ABTB1: variants seen among roughly 807,000 people sequenced by gnomAD.
The protein encoded by ABTB1 is ankyrin repeat and BTB/POZ domain-containing protein 1.
A neutral mutation model predicts 57.1 loss-of-function variants in ABTB1; 45 were observed. The ratio of observed to expected loss-of-function variants is 0.79; its 90% confidence interval spans 0.62 to 1.01. The LOEUF (loss-of-function observed/expected upper bound fraction) is 1.01, where lower values mean the gene tolerates loss of function less well. Among genes scored for constraint, ABTB1 ranks in the 50% least tolerant of loss-of-function variants. The probability of loss-of-function intolerance (pLI) is 0.00; values close to 1 mark genes in which losing one functional copy is unlikely to be tolerated. For synonymous variants in ABTB1, 302 were observed against 275.4 expected, an observed-to-expected ratio of 1.10 and a Z score of -0.95; for missense variants, 630 against 666.3, an observed-to-expected ratio of 0.95 and a Z score of 0.60.
intron 8 of ABTB1, 38 bp from the exon 9 acceptor site, chr3:127,677,427 A>C (rs772448230): frequency 1.2e-6 from 2 of 1,610,146 alleles, no homozygotes; most frequent in East Asian, 4.5e-5. Flanking sequence ...ACTTCTGTGA[A>C]CAACTGCTCT....
intron 10 of ABTB1, 179 bp from the exon 11 acceptor site, chr3:127,679,800 GATCCCT>G: frequency 1.7e-6 from 1 of 592,706 alleles, no homozygotes; most frequent in East Asian, 2.9e-5. Flanking sequence ...CGGTCCTGCA[GATCCCT>G]GTGGGAATCT....
rs558844047 is a variant in ABTB1 at position 127,677,774 on chromosome 3, C to A, written c.960C>A (p.Val320=). ...EPATSGGPPA[V]TLHGISPDVF... ...CGACCTCAGGGGGCCCCCCAGCCGT[C>A]ACCCTGCATGGCATCTCACCCGACG... Residue 320 remains valine, a synonymous_variant, in exon 10 of 12, where the codon GTC becomes GTA. Coordinates refer to ENST00000232744, the MANE Select transcript of ABTB1 (RefSeq NM_172027.3). 3 of 1,612,538 alleles carry A rather than the reference C, an allele frequency of 1.9e-6. No individual in the cohort carries two copies. Among genetic ancestry groups the A allele is most frequent in the Non-Finnish European group, 8.5e-7 (1 of 1,179,554 alleles).
chr3:127,679,669 G>A (rs1350961256), intron 10 of ABTB1: 1 of 537,664 alleles, frequency 1.9e-6, no homozygotes, highest in Non-Finnish European at 3.6e-6. Flanking sequence ...AGCTAGAAGT[G>A]TCAGACCCAG....
In ABTB1 at chr3:127,676,357, C is replaced by T. The variant is rs773839544; in HGVS notation, c.406C>T (p.Arg136Cys). The change falls in exon 5 of 12, where the codon CGT becomes TGT. Residue 136 changes from arginine (R) to cysteine (C), a missense_variant. Transcript: ENST00000232744. This position sits in a 1 kb window ranked among gnomAD's most constrained non-coding sequence, Gnocchi z 5.4. ...FRVHRCVLGA[R>C]SAYFANMLDT... The stretch of plus-strand genomic sequence containing the variant: ...GGTGCATCGCTGCGTCCTGGGTGCA[C>T]GTAGTGCCTACTTTGCCAACATGCT... 9 of 1,614,112 alleles carry T rather than the reference C, an allele frequency of 5.6e-6. No homozygotes were observed. The highest frequency in any genetic ancestry group is 1.1e-5 in the South Asian group (1 of 91,088).
In ABTB1 at chr3:127,677,563, G is replaced by A; in HGVS notation, c.861G>A (p.Lys287=). 1 of 1,613,886 alleles carries A rather than the reference G, an allele frequency of 6.2e-7. No individual in the cohort carries two copies. Among genetic ancestry groups the A allele is most frequent in the East Asian group, 2.2e-5 (1 of 44,886 alleles). The change falls in exon 9 of 12, where the codon AAG becomes AAA. Residue 287 remains lysine, a splice_region_variant and synonymous_variant. Coordinates refer to ENST00000232744, the MANE Select transcript of ABTB1 (RefSeq NM_172027.3). The stretch of plus-strand genomic sequence containing the variant: ...CTGGCTGCAGCTTCCTCTGCCACAA[G>A]GTGCCTGTGCCCTCCTGTTGCCCCT... ...RVAGCSFLCH[K]AFFCGRSDYF...
chr3:127,674,806 A>G (rs1378829282), intron 3 of ABTB1, among the ~76,000 whole-genome samples: 2 of 152,158 alleles, frequency 1.3e-5, no homozygotes, highest in Non-Finnish European at 2.9e-5. Flanking sequence ...CTCTACTTCT[A>G]CGACCTGGGC....
intron 10 of ABTB1, chr3:127,679,042 C>T (rs914397178): frequency 1.3e-5 from 2 of 159,640 alleles, no homozygotes; most frequent in African/African-American, 4.8e-5. Context: ...GCAGCTCAGC[C>T]CAGCTCTCTG....
chr3:127,677,248 G>C lies in ABTB1; in HGVS notation c.724G>C (p.Ala242Pro). 1 of 1,597,704 alleles carries C rather than the reference G, an allele frequency of 6.3e-7. No homozygotes were observed. Among genetic ancestry groups the C allele is most frequent in the Non-Finnish European group, 8.5e-7 (1 of 1,172,390 alleles). Residue 242 changes from alanine (A) to proline (P), a missense_variant, in exon 8 of 12, where the codon GCG (alanine) becomes CCG (proline). Coordinates refer to ENST00000232744, the MANE Select transcript of ABTB1 (RefSeq NM_172027.3). Reference protein sequence around the residue: ...PADPRLREDMALLADCALPPE... With the variant: ...PADPRLREDMPLLADCALPPE... Reference sequence around the variant, plus strand: ...AGACCCCCGCCTCCGGGAGGACATGGCGCTGCTGGCCGATTGTGCCCTGCC... The same window carrying C: ...AGACCCCCGCCTCCGGGAGGACATGCCGCTGCTGGCCGATTGTGCCCTGCC...
At chr3:127,675,839 C>A (rs1363019976) in intron 3 of ABTB1, 131 bp from the exon 4 acceptor site, 7 of 1,283,826 alleles carry the variant, frequency 5.5e-6, no homozygotes, top group Non-Finnish European at 6.4e-6. Flanking sequence ...CAGAGTGGGC[C>A]CAGGGTAATT....
intron 1 of ABTB1, 113 bp from the exon 2 acceptor site, chr3:127,674,278 G>C: frequency 7.1e-7 from 1 of 1,404,368 alleles, no homozygotes; most frequent in Non-Finnish European, 9.8e-7. Flanking sequence ...CCCTCACCTG[G>C]GGGAGGCTTC....
rs910949236 is a variant in ABTB1, at chr3:127,674,222, C to T, written c.57-169C>T. 18 of 757,952 alleles carry T rather than the reference C, an allele frequency of 2.4e-5. No individual in the cohort carries two copies. In the Middle Eastern group the frequency reaches 2.7e-3, roughly 112 times the overall value. 47.0% of individuals were successfully genotyped at this position (757,952 alleles called of 1,614,324 possible). The stretch of plus-strand genomic sequence containing the variant: ...GACCCCACCTCCACATCCTTGCCTG[C>T]ACTTTGCCTTGAGTGCCTCTCCTGC... On this transcript the variant is annotated intron_variant, in intron 1 of 11. Coordinates refer to ENST00000232744, the MANE Select transcript of ABTB1 (RefSeq NM_172027.3).
intron 3 of ABTB1, among the ~76,000 whole-genome samples, chr3:127,675,137 C>T (rs894024051): frequency 2.6e-5 from 4 of 152,138 alleles, no homozygotes; most frequent in African/African-American, 7.2e-5. Flanking sequence ...CATGGACTGC[C>T]GTTCTGCAAA....
At chr3:127,678,030 T>C in intron 10 of ABTB1, 187 bp downstream of exon 10, 1 of 654,990 alleles carries the variant, frequency 1.5e-6, no homozygotes, top group South Asian at 1.9e-5. Flanking sequence ...CTTGTTGGGC[T>C]CCAGAGAGAG....
chr3:127,679,841 C>A, intron 10 of ABTB1, 144 bp from the exon 11 acceptor site: 2 of 733,862 alleles, frequency 2.7e-6, no homozygotes, highest in African/African-American at 1.7e-5. Flanking sequence ...ACCCCCAACC[C>A]CATACATGCG....
chr3:127,679,851 G>A (rs1416717228), intron 10 of ABTB1, 134 bp from the exon 11 acceptor site: 35 of 646,198 alleles, frequency 5.4e-5, no homozygotes, highest in South Asian at 2.3e-4. Flanking sequence ...CCATACATGC[G>A]CAGGGAGCTC....
chr3:127,680,111 C>T lies in ABTB1; in HGVS notation c.1156C>T (p.Arg386Cys), dbSNP rs747623724. ...LDEDTVVGVW[R>C]VAKLFRLARL... ...CGAGGACACTGTGGTGGGTGTGTGGCGCGTGGCCAAGCTCTTCCGCCTGGC... is the reference window on the plus strand; with the variant it reads ...CGAGGACACTGTGGTGGGTGTGTGGTGCGTGGCCAAGCTCTTCCGCCTGGC... Residue 386 changes from arginine (R) to cysteine (C), a missense_variant, in exon 11 of 12, where the codon CGC becomes TGC. Around this residue, in one of 3 missense-constraint regions of ABTB1, gnomAD observed 579 missense variants for 585.9 expected, o/e 0.99. Transcript: ENST00000232744. The T allele has an allele frequency of 2.1e-5, 34 of 1,613,798 alleles. No homozygotes were observed. The highest frequency in any genetic ancestry group is 6.7e-5 in the East Asian group (3 of 44,900).
In ABTB1 at chr3:127,680,114, G is replaced by A. The variant is rs373702607; in HGVS notation, c.1159G>A (p.Val387Met). The A allele has an allele frequency of 5.7e-5, 92 of 1,613,836 alleles. No homozygotes were observed. The highest frequency in any genetic ancestry group is 5.0e-4 in the Admixed American group (30 of 60,008). The change falls in exon 11 of 12, where the codon GTG (valine) becomes ATG (methionine). Residue 387 changes from valine (V) to methionine (M), a missense_variant. Val to Met is a conservative substitution (Grantham distance 21, BLOSUM62 1). This residue lies in a region of ABTB1 where 579 missense variants were observed against 585.9 expected (regional missense o/e 0.99). Transcript: ENST00000232744. ...GGACACTGTGGTGGGTGTGTGGCGC[G>A]TGGCCAAGCTCTTCCGCCTGGCGCG... ...DEDTVVGVWR[V>M]AKLFRLARLE...
In ABTB1 at chr3:127,676,134, G is replaced by GGGT. The variant is rs1240093911; in HGVS notation, c.320+22_320+24dup. 2 of 1,612,448 alleles carry GGGT rather than the reference G, an allele frequency of 1.2e-6. No individual in the cohort carries two copies. Among genetic ancestry groups the GGGT allele is most frequent in the South Asian group, 2.2e-5 (2 of 91,040 alleles). The stretch of plus-strand genomic sequence containing the variant: ...GCAGCGGTGAGCCAGGGCACACGAG[G>GGGT]GGTGCAGCATGGGGTGCGGTGGCCC... On this transcript the variant is annotated intron_variant, in intron 4 of 11. Coordinates refer to ENST00000232744, the MANE Select transcript of ABTB1 (RefSeq NM_172027.3). The surrounding 1 kb of genome is among the most constrained non-coding windows in gnomAD (Gnocchi z 5.4).
intron 1 of ABTB1, chr3:127,674,082 C>T (rs2074917568): frequency 2.3e-6 from 1 of 427,586 alleles, no homozygotes; most frequent in African/African-American, 2.0e-5. Flanking sequence ...AAGGCTCCAT[C>T]ACCTCCTCTC....
Sources: gnomAD v4.1 joint callset for allele counts (sites outside exome capture counted in the v4.1 genomes callset) on GRCh38, gnomAD v4.1.1 for gene constraint, gnomAD v4.1.1 regional missense constraint, Gnocchi (gnomAD v3.1) non-coding constraint, MANE v1.5 for transcripts, NCBI Gene and HGNC (gene_info 2026-07-23, HGNC 2026-07-21) for gene names.